OSBP2: variants seen among roughly 807,000 people sequenced by gnomAD.
OSBP2 encodes the protein oxysterol binding protein 2.
A neutral mutation model predicts 96.0 loss-of-function variants in OSBP2; 66 were observed. The ratio of observed to expected loss-of-function variants is 0.69; its 90% CI spans 0.56 to 0.84. The LOEUF (loss-of-function observed/expected upper bound fraction) is 0.84. OSBP2 is among the 40% of genes least tolerant of loss of function. OSBP2 has a pLI of 0.00. For synonymous variants in OSBP2, 525 were observed against 520.9 expected, an observed-to-expected ratio of 1.01 and a Z score of -0.11; for missense variants, 1,038 against 1,222.7, an observed-to-expected ratio of 0.85 and a Z score of 2.25.
At chr22:30,834,207 C>T (rs1258774753) in intron 2 of OSBP2, among the ~76,000 whole-genome samples, 1 of 152,046 alleles carries the variant, frequency 6.6e-6, no homozygotes, top group Admixed American at 6.6e-5. Flanking sequence ...ATATAATATT[C>T]CAGTGTAGGA....
In OSBP2 at chr22:30,755,493, G is replaced by A. The variant is rs183633745; in HGVS notation, c.853+14124G>A. 5.3e-5 allele frequency among the ~76,000 whole-genome samples: 8 copies of A among 152,278 alleles called. No individual in the cohort carries two copies. In the East Asian group the frequency reaches 1.5e-3, roughly 29 times the overall value. ...TTCTGCTGTTCTGATGAGGAATCAG[G>A]CAACCCCAGGACCGTGTGATTGGTT... is the stretch of plus-strand genomic sequence containing the variant. On this transcript the variant is annotated intron_variant, in intron 2 of 13. Coordinates refer to ENST00000332585, the MANE Select transcript of OSBP2 (RefSeq NM_030758.4).
chr22:30,697,896 A>G (rs573847608), intron 1 of OSBP2, among the ~76,000 whole-genome samples: 33 of 152,326 alleles, frequency 2.2e-4, no homozygotes, highest in South Asian at 4.1e-4. Flanking sequence ...ATGAACCTCA[A>G]TGGCCTCCCC....
chr22:30,834,459 A>T (rs1392582544), intron 2 of OSBP2, among the ~76,000 whole-genome samples: 1 of 152,238 alleles, frequency 6.6e-6, no homozygotes, highest in East Asian at 1.9e-4. Context: ...ATCACAAGGA[A>T]TGTATTAGGA....
chr22:30,898,285 C>T (rs1035014136), intron 12 of OSBP2, among the ~76,000 whole-genome samples: 5 of 151,512 alleles, frequency 3.3e-5, no homozygotes, highest in African/African-American at 1.2e-4. Flanking sequence ...CCCAGGAGGT[C>T]GAGGCTGCAG....
chr22:30,787,599 G>A (rs1339773052), intron 2 of OSBP2, among the ~76,000 whole-genome samples: 1 of 152,146 alleles, frequency 6.6e-6, no homozygotes, highest in Non-Finnish European at 1.5e-5. Context: ...CTTGAACCCG[G>A]GAGGTGGAGG....
rs779056913 is a variant in OSBP2 at position 30,893,208 on chromosome 22, G to C, written c.1956G>C (p.Lys652Asn). ...SLWQEITISS[K>N]FRGKYISIMP... ...GGCAGGAGATCACCATCTCCAGCAA[G>C]TTCCGGGGAAAATACATCTCCATCA... The change falls in exon 9 of 14, where the codon AAG (lysine) becomes AAC (asparagine). Residue 652 changes from lysine (K) to asparagine (N), a missense_variant. Lys to Asn is a moderately conservative substitution (Grantham distance 94). Coordinates refer to ENST00000332585, the MANE Select transcript of OSBP2 (RefSeq NM_030758.4). 2 of 1,614,154 alleles carry C rather than the reference G, an allele frequency of 1.2e-6. No individual in the cohort carries two copies. The highest frequency in any genetic ancestry group is 1.7e-6 in the Non-Finnish European group (2 of 1,179,996).
intron 2 of OSBP2, among the ~76,000 whole-genome samples, chr22:30,786,188 A>AT (rs1335939370): frequency 1.3e-5 from 2 of 151,982 alleles, no homozygotes; most frequent in Non-Finnish European, 2.9e-5. Context: ...CACCCAGCTA[A>AT]TTTTTTGTAT....
intron 1 of OSBP2, among the ~76,000 whole-genome samples, chr22:30,734,381 A>G (rs528707228): frequency 6.6e-6 from 1 of 152,136 alleles, no homozygotes; most frequent in Non-Finnish European, 1.5e-5. Flanking sequence ...GTTCTGGAAT[A>G]TTGCACACCT....
At chr22:30,852,788 G>T (rs1389007881) in intron 2 of OSBP2, among the ~76,000 whole-genome samples, 1 of 151,890 alleles carries the variant, frequency 6.6e-6, no homozygotes, top group Non-Finnish European at 1.5e-5. Context: ...TTTCCTCCAG[G>T]CACTACCTTA....
rs1262056215 is a variant in OSBP2, at chr22:30,859,448, C to CCAT, written c.854-10978_854-10976dup. Among the ~76,000 whole-genome samples, 6 of 152,390 alleles carry CCAT rather than the reference C, an allele frequency of 3.9e-5. No individual in the cohort carries two copies. The East Asian group carries it at 1.2e-3, about 29-fold the overall frequency. ...TGGTCAGGGATTGCTGACCCCACAACCATCAGCAGGGTGACCAGGTCTGCT... is the reference window on the plus strand; with the variant it reads ...TGGTCAGGGATTGCTGACCCCACAACCATCATCAGCAGGGTGACCAGGTCTGCT... On this transcript the variant is annotated intron_variant, in intron 2 of 13. Transcript: ENST00000332585.
chr22:30,767,218 G>A (rs1366258240), intron 2 of OSBP2, among the ~76,000 whole-genome samples: 1 of 151,502 alleles, frequency 6.6e-6, no homozygotes, highest in Non-Finnish European at 1.5e-5. Flanking sequence ...GCTGAGCCAG[G>A]AGAATTGCTT....
chr22:30,703,434 A>AC (rs2089194221), intron 1 of OSBP2, among the ~76,000 whole-genome samples: 1 of 150,934 alleles, frequency 6.6e-6, no homozygotes, highest in African/African-American at 2.4e-5. Flanking sequence ...TCAGCCTCCC[A>AC]AAGTGTTGGG....
chr22:30,822,591 T>C, intron 2 of OSBP2: 3 of 1,522,944 alleles, frequency 2.0e-6, no homozygotes, highest in Non-Finnish European at 2.6e-6. Context: ...CCCGGCGCCA[T>C]GTAGCGCCCC....
At chr22:30,883,075 G>T (rs1249341218) in intron 3 of OSBP2, among the ~76,000 whole-genome samples, 1 of 152,246 alleles carries the variant, frequency 6.6e-6, no homozygotes, top group Admixed American at 6.5e-5. Context: ...TGGATGGAGA[G>T]GATGATTCTG....
intron 1 of OSBP2, among the ~76,000 whole-genome samples, chr22:30,705,272 C>T (rs1397696293): frequency 6.9e-6 from 1 of 145,192 alleles, no homozygotes; most frequent in Non-Finnish European, 1.5e-5. Flanking sequence ...CCCCTTCCTC[C>T]CCAGTATTTT....
At chr22:30,842,249 C>T (rs967181106) in intron 2 of OSBP2, among the ~76,000 whole-genome samples, 3 of 152,178 alleles carry the variant, frequency 2.0e-5, no homozygotes, top group Admixed American at 6.5e-5. Flanking sequence ...ATGAACAATG[C>T]AATGAACCAT....
intron 2 of OSBP2, among the ~76,000 whole-genome samples, chr22:30,825,357 G>A (rs908922750): frequency 5.3e-5 from 8 of 152,204 alleles, no homozygotes; most frequent in East Asian, 3.9e-4. Flanking sequence ...GCATGGTGGC[G>A]TATGCCTGTA....
intron 2 of OSBP2, among the ~76,000 whole-genome samples, chr22:30,817,526 CAAAGGGG>C (rs1387501652): frequency 6.6e-6 from 1 of 152,130 alleles, no homozygotes; most frequent in East Asian, 1.9e-4. Context: ...GGCAAGGGTG[CAAAGGGG>C]AAAGGGGGTT....
intron 2 of OSBP2, among the ~76,000 whole-genome samples, chr22:30,822,217 C>T (rs2038288546): frequency 6.6e-6 from 1 of 152,064 alleles, no homozygotes; most frequent in Non-Finnish European, 1.5e-5. Flanking sequence ...TCAAGGGCAT[C>T]TTTGCCCTTT....
Sources: allele counts gnomAD v4.1 joint callset (sites outside exome capture counted in the v4.1 genomes callset), GRCh38; gene constraint gnomAD v4.1.1; transcripts MANE v1.5; gene names NCBI Gene and HGNC (gene_info 2026-07-23, HGNC 2026-07-21).